The following HMG20A variants were observed in gnomAD, a reference collection of about 807,000 sequenced individuals.
HMG20A encodes high mobility group protein 20A.
In HMG20A, 17 loss-of-function variants were observed where a neutral mutation model predicts 43.9. That is an observed-to-expected ratio of 0.39 (90% confidence interval 0.27 to 0.58). The LOEUF (loss-of-function observed/expected upper bound fraction) is 0.58. HMG20A is among the 20% of genes least tolerant of loss of function. HMG20A has a pLI of 0.59. For missense variants in HMG20A, 341 were observed against 438.2 expected (o/e 0.78, Z 1.98); for synonymous variants, 132 against 147.5 (o/e 0.89, Z 0.76).
rs971805133 is a variant in HMG20A at position 77,483,064 on chromosome 15, G to A, written c.*101G>A. The A allele has an allele frequency of 1.2e-4, 19 of 152,226 alleles. No individual in the cohort carries two copies. Among genetic ancestry groups the A allele is most frequent in the African/African-American group, 4.6e-4 (19 of 41,438 alleles). 9.4% of individuals were successfully genotyped at this position (152,226 alleles called of 1,614,324 possible). A position where few individuals can be genotyped will look rare whatever the true frequency, so the allele number is the denominator to read the frequency against. On this transcript the variant is annotated 3_prime_UTR_variant, in exon 10 of 10. Transcript: ENST00000336216. Reference sequence around the variant, plus strand: ...TGAACTGAGTGGGGGCAGAGAAAGAGTGCAGATCCCTTTGCTTGTGAAAGA... The same window carrying A: ...TGAACTGAGTGGGGGCAGAGAAAGAATGCAGATCCCTTTGCTTGTGAAAGA...
chr15:77,512,716 T>C, the HMG20A span, among the ~76,000 whole-genome samples: 14 of 152,072 alleles, frequency 9.2e-5, no homozygotes, highest in Non-Finnish European at 1.5e-4. Flanking sequence ...ACCTACTGGG[T>C]AAATTTTTGA....
chr15:77,464,336 G>T lies in HMG20A; in HGVS notation c.186G>T (p.Gln62His). 2 of 1,613,894 alleles carry T rather than the reference G, an allele frequency of 1.2e-6. No homozygotes were observed. The highest frequency in any genetic ancestry group is 1.7e-4 in the Middle Eastern group (1 of 6,060). ...VEDLSQGQLL[Q>H]SESSNAAEGN... ...ATCTCTCTCAAGGTCAGTTGCTTCA[G>T]AGTGAGTCTTCAAATGCAGCAGAAG... Residue 62 changes from glutamine to histidine, a missense_variant, in exon 3 of 10, where the codon CAG (glutamine) becomes CAT (histidine). Gln to His is a conservative substitution (Grantham distance 24). Coordinates refer to ENST00000336216, the MANE Select transcript of HMG20A (RefSeq NM_001304504.2).
At chr15:77,437,246 C>A (rs998389261) in intron 1 of HMG20A, among the ~76,000 whole-genome samples, 1 of 152,172 alleles carries the variant, frequency 6.6e-6, no homozygotes, top group African/African-American at 2.4e-5. Flanking sequence ...TCATCTCCAA[C>A]TGTAGTTTTT....
At chr15:77,509,003 G>C in the HMG20A span, among the ~76,000 whole-genome samples, 1 of 152,154 alleles carries the variant, frequency 6.6e-6, no homozygotes, top group Non-Finnish European at 1.5e-5. Context: ...GATGGATCGT[G>C]AACCTTTTAT....
At position 77,479,190 on chromosome 15, in the gene HMG20A, A is replaced by G. The variant is rs1363346936; in HGVS notation, c.919A>G (p.Thr307Ala). 1 of 1,613,760 alleles carries G rather than the reference A, an allele frequency of 6.2e-7. No individual in the cohort carries two copies. The highest frequency in any genetic ancestry group is 8.5e-7 in the Non-Finnish European group (1 of 1,179,642). ...TTATCTCACTTCAGGAAGTGGAGAG[A>G]CACCTACAGTGGACACCATTGACTC... ...ASMPLPGSGE[T>A]PTVDTIDSYM... Residue 307 changes from threonine (T) to alanine (A), a missense_variant, in exon 9 of 10, where the codon ACA becomes GCA. Physicochemically the swap from Thr to Ala is moderately conservative, Grantham distance 58. Around this residue, in one of 3 missense-constraint regions of HMG20A, gnomAD observed 118 missense variants for 154.5 expected, o/e 0.76. Transcript: ENST00000336216.
intron 1 of HMG20A, among the ~76,000 whole-genome samples, chr15:77,457,914 A>G (rs1451192481): frequency 6.6e-6 from 1 of 152,190 alleles, no homozygotes; most frequent in African/African-American, 2.4e-5. Context: ...TTCTTTATAT[A>G]ATACTCAATG....
the HMG20A span, among the ~76,000 whole-genome samples, chr15:77,506,073 CAAAAAAAA>C: frequency 1.4e-5 from 1 of 69,714 alleles, no homozygotes; most frequent in Non-Finnish European, 3.4e-5. Context: ...GTAGAGTTAG[CAAAAAAAA>C]AAAAAAAAAA....
chr15:77,459,614 C>G (rs550502178), intron 2 of HMG20A, among the ~76,000 whole-genome samples: 1 of 152,254 alleles, frequency 6.6e-6, no homozygotes, highest in East Asian at 1.9e-4. Context: ...AACTGGCATG[C>G]AGTTTTCTGG....
intron 1 of HMG20A, among the ~76,000 whole-genome samples, chr15:77,456,466 AG>A (rs1380504736): frequency 6.6e-6 from 1 of 152,080 alleles, no homozygotes; most frequent in Non-Finnish European, 1.5e-5. Context: ...GGATCACTTG[AG>A]GCTAGGAGTT....
intron 9 of HMG20A, 104 bp downstream of exon 9, chr15:77,479,425 A>G (rs2072887314): frequency 1.9e-6 from 2 of 1,080,138 alleles, no homozygotes; most frequent in South Asian, 3.1e-5. Context: ...CATTGGATGA[A>G]CAAGTTGGAG....
At chr15:77,519,840 G>A in the HMG20A span, among the ~76,000 whole-genome samples, 103 of 152,262 alleles carry the variant, frequency 6.8e-4, no homozygotes, top group Non-Finnish European at 1.2e-3. Context: ...CAGAGCCAAG[G>A]GGACTAGTTT....
At chr15:77,489,920 A>C (rs1316265774), downstream of HMG20A, among the ~76,000 whole-genome samples, 1 of 152,042 alleles carries the variant, frequency 6.6e-6, no homozygotes, top group Non-Finnish European at 1.5e-5. Flanking sequence ...GCAGTTTGTC[A>C]TAAGTGTAAT....
intron 6 of HMG20A, among the ~76,000 whole-genome samples, chr15:77,472,027 C>A (rs1181709026): frequency 1.3e-5 from 2 of 151,892 alleles, no homozygotes; most frequent in Non-Finnish European, 2.9e-5. Context: ...TAACCTCAAT[C>A]CTTTCCTGTG....
In HMG20A at chr15:77,458,639, A is replaced by C. The variant is rs1323630963; in HGVS notation, c.89+143A>C. Reference sequence around the variant, plus strand: ...TCACTTTGCAAAGAGAGTGACAGCCATCATAAACCACTTTGTAATCTGCAT... The same window carrying C: ...TCACTTTGCAAAGAGAGTGACAGCCCTCATAAACCACTTTGTAATCTGCAT... On this transcript the variant is annotated intron_variant, in intron 2 of 9. Transcript: ENST00000336216. The C allele has an allele frequency of 5.6e-6, 3 of 534,716 alleles. No individual in the cohort carries two copies. In the South Asian group the frequency reaches 8.3e-5, roughly 15 times the overall value. 33.1% of individuals were successfully genotyped at this position (534,716 alleles called of 1,614,324 possible). A position where few individuals can be genotyped will look rare whatever the true frequency, so the allele number is the denominator to read the frequency against.
chr15:77,487,862 A>G (rs894861691), downstream of HMG20A, among the ~76,000 whole-genome samples: 1 of 152,190 alleles, frequency 6.6e-6, no homozygotes, highest in Non-Finnish European at 1.5e-5. Context: ...TATGGATATA[A>G]GCAGTAGTTT....
intron 1 of HMG20A, among the ~76,000 whole-genome samples, chr15:77,435,188 G>A (rs2073533016): frequency 6.6e-6 from 1 of 152,122 alleles, no homozygotes; most frequent in African/African-American, 2.4e-5. Context: ...GGGGATTTCT[G>A]CTTGTTGTAA....
intron 1 of HMG20A, among the ~76,000 whole-genome samples, chr15:77,440,008 C>T (rs939820587): frequency 2.0e-5 from 3 of 151,694 alleles, no homozygotes; most frequent in East Asian, 1.9e-4. Flanking sequence ...TATTTAGCCC[C>T]CTTTTTTAAA....
chr15:77,436,908 G>C (rs2073555465), intron 1 of HMG20A, among the ~76,000 whole-genome samples: 1 of 152,134 alleles, frequency 6.6e-6, no homozygotes, highest in South Asian at 2.1e-4. Context: ...CCGGATTTCT[G>C]ACATGGCCCC....
chr15:77,500,676 C>T, the HMG20A span, among the ~76,000 whole-genome samples: 2 of 151,706 alleles, frequency 1.3e-5, no homozygotes, highest in East Asian at 3.9e-4. Flanking sequence ...TCAAGCGGTT[C>T]TCCTGCCTCA....
Sources: allele counts gnomAD v4.1 joint callset (sites outside exome capture counted in the v4.1 genomes callset), GRCh38; gene constraint gnomAD v4.1.1; regional missense constraint gnomAD v4.1.1; transcripts MANE v1.5; gene names NCBI Gene and HGNC (gene_info 2026-07-23, HGNC 2026-07-21).